TRIP12: variants seen among roughly 807,000 people sequenced by gnomAD.
TRIP12 encodes the protein E3 ubiquitin-protein ligase TRIP12.
Under a neutral mutation model 244.2 loss-of-function variants are expected in TRIP12, and 25 were observed. The observed-to-expected ratio is 0.10, with a 90% CI of 0.07 to 0.14. The LOEUF (loss-of-function observed/expected upper bound fraction) is 0.14, where lower values mean the gene tolerates loss of function less well. TRIP12 is among the 10% of genes least tolerant of loss of function. The pLI, the probability that TRIP12 is intolerant of heterozygous loss-of-function variation, is 1.00. For synonymous variants in TRIP12, 905 were observed against 873.1 expected (o/e 1.04, Z -0.64); for missense variants, 1,677 against 2,486.4 (o/e 0.67, Z 6.92).
intron 2 of TRIP12, among the ~76,000 whole-genome samples, chr2:229,872,843 G>A (rs538602963): frequency 2.6e-5 from 4 of 152,146 alleles, no homozygotes; most frequent in African/African-American, 4.8e-5. Flanking sequence ...TCTTCTAATG[G>A]GTAACTCCTG....
Position 229,767,690 on chromosome 2 carries a change from T to A in TRIP12, c.6068A>T (p.Asn2023Ile), listed in dbSNP as rs1052204696. ...TACAGAGGGCAAGAAGTCATCTGGG[T>A]TTTCTGTTGATTCAAACGTCTTTCG... ...IVRKTFESTE[N>I]PDDFLPSVMT... is the part of the protein sequence containing the mutation. Residue 2023 changes from asparagine to isoleucine, a missense_variant, in exon 42 of 42, where the codon AAC (asparagine) becomes ATC (isoleucine). Around this residue, in one of 11 missense-constraint regions of TRIP12, gnomAD observed 171 missense variants for 388.4 expected, o/e 0.44. Transcript: ENST00000675903. 8 of 1,613,904 alleles carry A rather than the reference T, an allele frequency of 5.0e-6. No individual in the cohort carries two copies. The African/African-American group carries it at 1.1e-4, about 22-fold the overall frequency.
chr2:229,819,191 G>A (rs2049319967), intron 8 of TRIP12, among the ~76,000 whole-genome samples: 1 of 151,942 alleles, frequency 6.6e-6, no homozygotes, highest in Non-Finnish European at 1.5e-5. Context: ...TGAAAAATGT[G>A]AATACTCAAC....
At chr2:229,891,417 T>A (rs1293770919) in intron 1 of TRIP12, among the ~76,000 whole-genome samples, 1 of 151,332 alleles carries the variant, frequency 6.6e-6, no homozygotes, top group South Asian at 2.1e-4. Context: ...AGAGCGAAAC[T>A]GTCTCAAAAA....
Position 229,830,744 on chromosome 2 carries a change from A to G in TRIP12, c.1354+12T>C, listed in dbSNP as rs2053136816. 6.2e-7 allele frequency: 1 copy of G among 1,612,052 alleles called. No individual in the cohort carries two copies. Among genetic ancestry groups the G allele is most frequent in the Non-Finnish European group, 8.5e-7 (1 of 1,178,214 alleles). On this transcript the variant is annotated intron_variant, in intron 7 of 41. Transcript: ENST00000675903. The stretch of plus-strand genomic sequence containing the variant: ...GGTAATGGTTTCTTATAGGCTCAAT[A>G]ACTGTTTTTACCTTGCAAACGTCCC...
intron 1 of TRIP12, among the ~76,000 whole-genome samples, chr2:229,915,846 C>CTGTATATATATATATTTTATATATATAT (rs2075282284): frequency 6.6e-6 from 1 of 152,076 alleles, no homozygotes; most frequent in Non-Finnish European, 1.5e-5. Flanking sequence ...AGGCATGTGC[C>CTGTATATATATATATTTTATATATATAT]ACCATGCCCA....
At chr2:229,803,099 G>A (rs1311249875) in intron 20 of TRIP12, among the ~76,000 whole-genome samples, 1 of 152,206 alleles carries the variant, frequency 6.6e-6, no homozygotes, top group Admixed American at 6.5e-5. Flanking sequence ...GCAAATATGT[G>A]GATATATTTA....
chr2:229,863,068 A>C, intron 2 of TRIP12, among the ~76,000 whole-genome samples: 1 of 152,188 alleles, frequency 6.6e-6, no homozygotes, highest in South Asian at 2.1e-4. Context: ...TCTCTAATAA[A>C]AACTACAAAA....
intron 1 of TRIP12, among the ~76,000 whole-genome samples, chr2:229,912,732 G>C (rs149720317): frequency 6.6e-6 from 1 of 152,124 alleles, no homozygotes; most frequent in African/African-American, 2.4e-5. Context: ...TGCTGTAGTC[G>C]TAAGTTTCAA....
chr2:229,921,475 T>A (rs2076552303), intron 1 of TRIP12: 1 of 124,490 alleles, frequency 8.0e-6, no homozygotes, highest in Non-Finnish European at 1.7e-5. Flanking sequence ...CCCCCCACTT[T>A]CTCTCTTCCC....
intron 4 of TRIP12, among the ~76,000 whole-genome samples, chr2:229,849,717 A>G (rs1357120965): frequency 6.6e-6 from 1 of 152,022 alleles, no homozygotes; most frequent in African/African-American, 2.4e-5. Flanking sequence ...AAATCTTTCT[A>G]AAAAAATTAG....
intron 1 of TRIP12, among the ~76,000 whole-genome samples, chr2:229,886,755 C>T (rs1019371034): frequency 3.9e-5 from 6 of 152,232 alleles, no homozygotes; most frequent in South Asian, 2.1e-4. Flanking sequence ...GCATGAGCCA[C>T]TGTGCCCGGC....
chr2:229,922,510 C>T, upstream of TRIP12: 2 of 1,614,006 alleles, frequency 1.2e-6, no homozygotes, highest in Non-Finnish European at 8.5e-7. Context: ...GGTGGCGTCC[C>T]AAGATGGCGT....
At chr2:229,820,473 C>T (rs898556171) in intron 8 of TRIP12, among the ~76,000 whole-genome samples, 1 of 152,034 alleles carries the variant, frequency 6.6e-6, no homozygotes, top group Non-Finnish European at 1.5e-5. Flanking sequence ...TCATTTTATA[C>T]TCTTAAAAAC....
chr2:229,908,209 T>C (rs759018940), intron 1 of TRIP12, among the ~76,000 whole-genome samples: 26 of 152,336 alleles, frequency 1.7e-4, no homozygotes, highest in South Asian at 8.3e-4. Context: ...AATATTCTTA[T>C]CCCATTCATT....
At chr2:229,904,474 T>A (rs953450678) in intron 1 of TRIP12, among the ~76,000 whole-genome samples, 3 of 150,846 alleles carry the variant, frequency 2.0e-5, no homozygotes, top group Non-Finnish European at 2.9e-5. Flanking sequence ...TTTTAACAAT[T>A]ATGGTTAAGT....
chr2:229,862,646 T>C (rs76948570), intron 2 of TRIP12, among the ~76,000 whole-genome samples: 6,588 of 152,200 alleles, frequency 0.043, 478 homozygotes, highest in African/African-American at 0.15. Context: ...CCCAAAACAA[T>C]TAAAAATTAT....
chr2:229,817,963 G>C (rs1489278666), intron 9 of TRIP12, among the ~76,000 whole-genome samples: 1 of 151,988 alleles, frequency 6.6e-6, no homozygotes, highest in Non-Finnish European at 1.5e-5. Context: ...TTCCCATGTA[G>C]ACACGTACTA....
intron 2 of TRIP12, among the ~76,000 whole-genome samples, chr2:229,865,513 T>C (rs981023061): frequency 1.3e-5 from 2 of 151,800 alleles, no homozygotes; most frequent in Admixed American, 1.3e-4. Context: ...TACACACACA[T>C]TACCACTTAT....
chr2:229,793,972 A>G (rs2042182460), intron 26 of TRIP12, among the ~76,000 whole-genome samples: 2 of 152,198 alleles, frequency 1.3e-5, no homozygotes, highest in African/African-American at 4.8e-5. Flanking sequence ...CACATAAAGC[A>G]CACAAATAGG....
Sources: gnomAD v4.1 joint callset for allele counts (sites outside exome capture counted in the v4.1 genomes callset) on GRCh38, gnomAD v4.1.1 for gene constraint, gnomAD v4.1.1 regional missense constraint, MANE v1.5 for transcripts, NCBI Gene and HGNC (gene_info 2026-07-23, HGNC 2026-07-21) for gene names.